Variants in SLC10A7 observed in about 807,000 individuals in gnomAD.
The protein encoded by SLC10A7 is solute carrier family 10 member 7, also known as sodium/bile acid cotransporter 7.
Under a neutral mutation model 43.2 loss-of-function variants are expected in SLC10A7, and 29 were observed. The observed-to-expected ratio is 0.67, with a 90% CI of 0.50 to 0.92. The LOEUF is 0.92. Ranked by LOEUF, SLC10A7 falls within the 40% of genes least tolerant of loss-of-function variation. SLC10A7 has a pLI of 0.00. For synonymous variants in SLC10A7, 152 were observed against 144.8 expected (o/e 1.05, Z -0.35); for missense variants, 295 against 403.2 (o/e 0.73, Z 2.30).
At chr4:146,393,841 T>C (rs1270333948) in intron 5 of SLC10A7, among the ~76,000 whole-genome samples, 2 of 152,222 alleles carry the variant, frequency 1.3e-5, no homozygotes, top group African/African-American at 2.4e-5. Flanking sequence ...GAAGGGAATA[T>C]ACAGGCACCT....
chr4:146,355,219 G>T (rs1357609632), intron 5 of SLC10A7, among the ~76,000 whole-genome samples: 1 of 151,892 alleles, frequency 6.6e-6, no homozygotes, highest in Admixed American at 6.6e-5. Context: ...CCATCAAAAA[G>T]TGGGCAAAGG....
At chr4:146,516,927 G>T in intron 2 of SLC10A7, 111 bp downstream of exon 2, 1 of 760,278 alleles carries the variant, frequency 1.3e-6, no homozygotes, top group Non-Finnish European at 2.1e-6. Context: ...CTGCTATAGT[G>T]AATCCTTCAG....
chr4:146,314,299 A>G (rs965316948), intron 6 of SLC10A7, among the ~76,000 whole-genome samples: 2 of 152,208 alleles, frequency 1.3e-5, no homozygotes, highest in African/African-American at 2.4e-5. Flanking sequence ...ATTCAAACCT[A>G]TTGAATTTAA....
intron 4 of SLC10A7, among the ~76,000 whole-genome samples, chr4:146,448,847 C>A (rs1419967025): frequency 6.6e-6 from 1 of 152,136 alleles, no homozygotes; most frequent in Non-Finnish European, 1.5e-5. Context: ...ATAAAAAAGA[C>A]ACCAAAAGTG....
intron 5 of SLC10A7, among the ~76,000 whole-genome samples, chr4:146,437,137 T>G (rs985244354): frequency 4.6e-5 from 7 of 152,126 alleles, no homozygotes; most frequent in African/African-American, 9.6e-5. Context: ...ACTCTGAGTA[T>G]ATGTGTGTTG....
intron 9 of SLC10A7, among the ~76,000 whole-genome samples, chr4:146,292,035 G>A (rs564771953): frequency 5.7e-4 from 87 of 152,346 alleles, no homozygotes; most frequent in Non-Finnish European, 1.0e-3. Context: ...TGGATATGGG[G>A]ACTGCCTAAG....
intron 10 of SLC10A7, among the ~76,000 whole-genome samples, chr4:146,266,941 T>C (rs951192408): frequency 1.2e-4 from 18 of 152,188 alleles, no homozygotes; most frequent in Non-Finnish European, 2.1e-4. Context: ...ATATAGCAAG[T>C]GTTCATCCAT....
At chr4:146,447,089 C>T (rs1022088619) in intron 4 of SLC10A7, among the ~76,000 whole-genome samples, 1 of 152,042 alleles carries the variant, frequency 6.6e-6, no homozygotes, top group African/African-American at 2.4e-5. Flanking sequence ...TCCTTCACAT[C>T]GTTTTCAAAA....
At chr4:146,383,123 C>T (rs1737750854) in intron 5 of SLC10A7, among the ~76,000 whole-genome samples, 1 of 152,080 alleles carries the variant, frequency 6.6e-6, no homozygotes, top group African/African-American at 2.4e-5. Flanking sequence ...TTATTGTTAC[C>T]TTGACTTCTT....
chr4:146,417,928 C>G (rs1728686671), intron 5 of SLC10A7, among the ~76,000 whole-genome samples: 1 of 152,038 alleles, frequency 6.6e-6, no homozygotes, highest in South Asian at 2.1e-4. Flanking sequence ...TTGCAGCCAG[C>G]ATGCTTATAA....
intron 4 of SLC10A7, among the ~76,000 whole-genome samples, chr4:146,478,800 G>A (rs1013484679): frequency 6.6e-6 from 1 of 152,028 alleles, no homozygotes; most frequent in South Asian, 2.1e-4. Context: ...TGAGGAAACC[G>A]AGAAAGAGCA....
chr4:146,379,693 T>A (rs1193561325), intron 5 of SLC10A7, among the ~76,000 whole-genome samples: 1 of 152,216 alleles, frequency 6.6e-6, no homozygotes, highest in East Asian at 1.9e-4. Flanking sequence ...TTAATTACTT[T>A]CTTCTAAATC....
chr4:146,516,491 CATA>C (rs1738003934), intron 2 of SLC10A7, among the ~76,000 whole-genome samples: 1 of 142,928 alleles, frequency 7.0e-6, no homozygotes, highest in Non-Finnish European at 1.5e-5. Flanking sequence ...TATATATACA[CATA>C]TACATATACA....
In SLC10A7 at chr4:146,289,801, C is replaced by T. The variant is rs186444873; in HGVS notation, c.773+3128G>A. Among the ~76,000 whole-genome samples, 922 of 147,626 alleles carry T rather than the reference C, an allele frequency of 6.2e-3. 15 individuals carry two copies. The highest frequency in any genetic ancestry group is 0.024 in the Admixed American group (360 of 14,878). On this transcript the variant is annotated intron_variant, in intron 9 of 11. Transcript: ENST00000335472. Reference sequence around the variant, plus strand: ...CGTGATCTCAGCTCACTGCAACCTCCGTCTCCCGGGTTCAAGCGATTCTCC... The same window carrying T: ...CGTGATCTCAGCTCACTGCAACCTCTGTCTCCCGGGTTCAAGCGATTCTCC...
intron 4 of SLC10A7, among the ~76,000 whole-genome samples, chr4:146,443,500 AGC>A (rs1165771189): frequency 6.6e-6 from 1 of 152,240 alleles, no homozygotes; most frequent in African/African-American, 2.4e-5. Context: ...TATTCAATGA[AGC>A]TATACCAGAG....
At chr4:146,495,766 AAC>A (rs57202992) in intron 4 of SLC10A7, among the ~76,000 whole-genome samples, 8,495 of 139,506 alleles carry the variant, frequency 0.061, 268 homozygotes, top group South Asian at 0.22. Flanking sequence ...GATGAAAGTA[AAC>A]ACACACACAC....
chr4:146,473,276 T>C (rs1733737888), intron 4 of SLC10A7, among the ~76,000 whole-genome samples: 1 of 152,192 alleles, frequency 6.6e-6, no homozygotes, highest in Non-Finnish European at 1.5e-5. Flanking sequence ...AAATGATTAT[T>C]GAAAACAGTT....
intron 9 of SLC10A7, among the ~76,000 whole-genome samples, chr4:146,286,418 GTTTGGAGTGGTGAGAAGGAC>G (rs1729949554): frequency 2.7e-5 from 4 of 150,624 alleles, no homozygotes; most frequent in East Asian, 2.0e-4. Flanking sequence ...GAAGGACTGT[GTTTGGAGTGGTGAGAAGGAC>G]TCTGGAGTGG....
rs148087844 is a variant in SLC10A7 at position 146,329,556 on chromosome 4, C to G, written c.436-3560G>C. Among the ~76,000 whole-genome samples the G allele has an allele frequency of 4.0e-4, 61 of 152,280 alleles. 4 individuals are homozygous for G. In the East Asian group the frequency reaches 0.01, roughly 26 times the overall value. On this transcript the variant is annotated intron_variant, in intron 5 of 11. Transcript: ENST00000335472. Reference sequence around the variant, plus strand: ...AGAAGCAATGCCAGGAATTGAACCTCCCCTTGACTCCAGAGCCTGTGCTCT... The same window carrying G: ...AGAAGCAATGCCAGGAATTGAACCTGCCCTTGACTCCAGAGCCTGTGCTCT...
Sources: gnomAD v4.1 joint callset for allele counts (sites outside exome capture counted in the v4.1 genomes callset) on GRCh38, gnomAD v4.1.1 for gene constraint, MANE v1.5 for transcripts, NCBI Gene and HGNC (gene_info 2026-07-23, HGNC 2026-07-21) for gene names.